The following PTPN11 variants were observed in gnomAD, a reference collection of about 807,000 sequenced individuals.
The protein encoded by PTPN11 is protein tyrosine phosphatase non-receptor type 11, also known as tyrosine-protein phosphatase non-receptor type 11.
PTPN11 carries 6 observed loss-of-function variants against 78.8 expected under a neutral mutation model. The observed-to-expected ratio is 0.08, with a 90% confidence interval of 0.04 to 0.15. The LOEUF is 0.15. PTPN11 is among the 10% of genes least tolerant of loss of function. The pLI is 1.00. For missense variants in PTPN11, 386 were observed against 744.8 expected (o/e 0.52, Z 5.61); for synonymous variants, 221 against 263.5 (o/e 0.84, Z 1.56).
intron 1 of PTPN11, among the ~76,000 whole-genome samples, chr12:112,442,777 G>A (rs1392413308): frequency 7.3e-6 from 1 of 136,752 alleles, no homozygotes; most frequent in African/African-American, 2.7e-5. Flanking sequence ...TTTTAGATTT[G>A]GGATACTCAA....
chr12:112,436,246 A>G (rs938199979), intron 1 of PTPN11, among the ~76,000 whole-genome samples: 27 of 152,304 alleles, frequency 1.8e-4, no homozygotes, highest in African/African-American at 6.3e-4. Context: ...TATGGTAGAG[A>G]TATTATAGTC....
rs748627115 is a variant in PTPN11 at position 112,478,849 on chromosome 12, C to T, written c.1092+834C>T. ...CCCGGTTCAAATGATTCTCATGCCT[C>T]AGCCTCCCAAGTAGCTGGGACTACA... is the stretch of plus-strand genomic sequence containing the variant. On this transcript the variant is annotated intron_variant, in intron 9 of 15. Coordinates refer to ENST00000351677, the MANE Select transcript of PTPN11 (RefSeq NM_002834.5). 6.6e-5 allele frequency among the ~76,000 whole-genome samples: 10 copies of T among 152,288 alleles called. No individual in the cohort carries two copies. In the South Asian group the frequency reaches 1.9e-3, roughly 28 times the overall value.
chr12:112,450,549 C>T (rs1268941057), intron 3 of PTPN11, 37 bp downstream of exon 3: 3 of 1,581,742 alleles, frequency 1.9e-6, no homozygotes, highest in African/African-American at 1.3e-5. Context: ...GTCTGCTGCT[C>T]CCTTGTGCCC....
At chr12:112,452,707 T>C (rs2038096019) in intron 3 of PTPN11, among the ~76,000 whole-genome samples, 1 of 152,124 alleles carries the variant, frequency 6.6e-6, no homozygotes, top group African/African-American at 2.4e-5. Context: ...TTTAATTGTT[T>C]TGTGAAGATG....
chr12:112,495,826 T>A (rs1263236801), intron 13 of PTPN11, among the ~76,000 whole-genome samples: 1 of 152,204 alleles, frequency 6.6e-6, no homozygotes, highest in Non-Finnish European at 1.5e-5. Context: ...ATGTAATGTG[T>A]TGAGTACTGT....
chr12:112,470,788 C>G (rs1311014235), intron 6 of PTPN11, among the ~76,000 whole-genome samples: 1 of 152,030 alleles, frequency 6.6e-6, no homozygotes, highest in African/African-American at 2.4e-5. Flanking sequence ...TTGTTGATGT[C>G]GTTTCACTTC....
At chr12:112,472,729 G>T (rs1033154832) in intron 6 of PTPN11, among the ~76,000 whole-genome samples, 1 of 152,098 alleles carries the variant, frequency 6.6e-6, no homozygotes. Context: ...TCGAACTCCT[G>T]CCCTGAAGTG....
intron 5 of PTPN11, 73 bp from the exon 6 acceptor site, chr12:112,455,877 T>G (rs193226579): frequency 3.4e-6 from 3 of 877,430 alleles, no homozygotes; most frequent in African/African-American, 3.4e-5. Flanking sequence ...ACATGTTTTT[T>G]TTTTTTTTTT....
rs186826042 is a variant in PTPN11 at position 112,489,284 on chromosome 12, C to T, written c.1599+109C>T. 3.9e-4 allele frequency: 519 copies of T among 1,338,732 alleles called. 1 individual carries two copies. Among genetic ancestry groups the T allele is most frequent in the African/African-American group, 3.7e-3 (259 of 69,602 alleles). 82.9% of individuals were successfully genotyped at this position (1,338,732 alleles called of 1,614,324 possible). A position where few individuals can be genotyped will look rare whatever the true frequency, so the allele number is the denominator to read the frequency against. The stretch of plus-strand genomic sequence containing the variant: ...GCTCTGATAGACAACTGTTTGATTT[C>T]GGAATGGGAAACAAACTCCCAACTA... On this transcript the variant is annotated intron_variant, in intron 13 of 15. Transcript: ENST00000351677.
chr12:112,453,089 C>T (rs2038100646), intron 3 of PTPN11, 106 bp from the exon 4 acceptor site: 12 of 991,756 alleles, frequency 1.2e-5, no homozygotes, highest in Non-Finnish European at 1.7e-5. Flanking sequence ...AATGTGTCTA[C>T]TTTTTAATTG....
chr12:112,501,795 T>C (rs2038877118), intron 13 of PTPN11, among the ~76,000 whole-genome samples: 1 of 152,220 alleles, frequency 6.6e-6, no homozygotes, highest in African/African-American at 2.4e-5. Flanking sequence ...TGAAAAACCA[T>C]GAAATGTGTT....
intron 1 of PTPN11, among the ~76,000 whole-genome samples, chr12:112,442,012 T>A (rs2037899712): frequency 6.7e-6 from 1 of 149,982 alleles, no homozygotes; most frequent in Non-Finnish European, 1.5e-5. Context: ...CTCCTGACCT[T>A]GTGATCCGCC....
At chr12:112,459,795 G>A (rs567136722) in intron 6 of PTPN11, among the ~76,000 whole-genome samples, 2 of 151,894 alleles carry the variant, frequency 1.3e-5, no homozygotes, top group East Asian at 3.9e-4. Context: ...ACATCATTTC[G>A]TCTGTAACTA....
rs192453833 is a variant in PTPN11, at chr12:112,482,463, C to T, written c.1224+258C>T. Reference sequence around the variant, plus strand: ...TAAAAACAAATAACTGGCCAGGCGCCGTGGCTCAGGCCTGTAATCCCAGCA... The same window carrying T: ...TAAAAACAAATAACTGGCCAGGCGCTGTGGCTCAGGCCTGTAATCCCAGCA... On this transcript the variant is annotated intron_variant, in intron 10 of 15. Transcript: ENST00000351677. This position sits in a 1 kb window ranked among gnomAD's most constrained non-coding sequence, Gnocchi z 4.4. 9.7e-3 allele frequency among the ~76,000 whole-genome samples: 1,472 copies of T among 152,164 alleles called. 86 individuals carry two copies. The highest frequency in any genetic ancestry group is 0.088 in the Admixed American group (1,342 of 15,272).
intron 13 of PTPN11, among the ~76,000 whole-genome samples, chr12:112,497,910 T>C (rs1412306259): frequency 6.6e-6 from 1 of 152,112 alleles, no homozygotes; most frequent in Non-Finnish European, 1.5e-5. Flanking sequence ...CCCAGCACTT[T>C]GGGAGGTTGA....
At chr12:112,494,130 T>C (rs990055901) in intron 13 of PTPN11, among the ~76,000 whole-genome samples, 1 of 152,192 alleles carries the variant, frequency 6.6e-6, no homozygotes, top group African/African-American at 2.4e-5. Context: ...GGCGCACACC[T>C]GTGATCCCAG....
At chr12:112,420,649 G>A (rs969468346) in intron 1 of PTPN11, among the ~76,000 whole-genome samples, 1 of 152,136 alleles carries the variant, frequency 6.6e-6, no homozygotes, top group Non-Finnish European at 1.5e-5. Flanking sequence ...GCCTGAATGA[G>A]ATTTTTCAAA....
At chr12:112,421,515 G>A (rs1344181407) in intron 1 of PTPN11, among the ~76,000 whole-genome samples, 1 of 152,068 alleles carries the variant, frequency 6.6e-6, no homozygotes, top group African/African-American at 2.4e-5. Flanking sequence ...GGGTCTCACT[G>A]TGTTGCCCAG....
rs187222989 is a variant in PTPN11, at chr12:112,502,655, G to A, written c.1712+399G>A. 2.8e-3 allele frequency among the ~76,000 whole-genome samples: 420 copies of A among 152,296 alleles called. 12 individuals carry two copies. The highest frequency in any genetic ancestry group is 0.024 in the Admixed American group (367 of 15,294). Reference sequence around the variant, plus strand: ...CCAGCTACTCAGGAGGCTGAGGCAGGAGAATCGCTTGAACCCAGGAAACGG... The same window carrying A: ...CCAGCTACTCAGGAGGCTGAGGCAGAAGAATCGCTTGAACCCAGGAAACGG... On this transcript the variant is annotated intron_variant, in intron 14 of 15. Transcript: ENST00000351677.
Sources: gnomAD v4.1 joint callset for allele counts (sites outside exome capture counted in the v4.1 genomes callset) on GRCh38, gnomAD v4.1.1 for gene constraint, Gnocchi (gnomAD v3.1) non-coding constraint, MANE v1.5 for transcripts, NCBI Gene and HGNC (gene_info 2026-07-23, HGNC 2026-07-21) for gene names.